The following LRPAP1 variants were observed in gnomAD, a reference collection of about 807,000 sequenced individuals.
LRPAP1 encodes the protein LDL receptor related protein associated protein 1, also known as alpha-2-macroglobulin receptor-associated protein.
Under a neutral mutation model 39.9 loss-of-function variants are expected in LRPAP1, and 41 were observed. That is an observed-to-expected ratio of 1.03 (90% CI 0.80 to 1.33). The LOEUF is 1.33. Among genes scored for constraint, LRPAP1 ranks in the 40% most tolerant of loss-of-function variants. The pLI, the probability that LRPAP1 is intolerant of heterozygous loss-of-function variation, is 0.00. For synonymous variants in LRPAP1, 263 were observed against 212.7 expected (o/e 1.24, Z -2.06); for missense variants, 565 against 482.3 (o/e 1.17, Z -1.61).
chr4:3,516,555 A>T (rs1171512073), intron 5 of LRPAP1, among the ~76,000 whole-genome samples: 1 of 152,240 alleles, frequency 6.6e-6, no homozygotes, highest in Non-Finnish European at 1.5e-5. Context: ...AGAGGCTGCC[A>T]GGACCTCGGG....
chr4:3,517,993 GC>G, intron 5 of LRPAP1, 40 bp downstream of exon 5: 3 of 1,555,746 alleles, frequency 1.9e-6, no homozygotes. Flanking sequence ...ACCAGAGACG[GC>G]CCCACCCTCG....
chr4:3,514,405 G>C (rs1729627270), intron 7 of LRPAP1, among the ~76,000 whole-genome samples: 1 of 149,718 alleles, frequency 6.7e-6, no homozygotes, highest in Non-Finnish European at 1.5e-5. Context: ...TGGGGAAGGA[G>C]GCTCGCCTGT....
At chr4:3,532,026 T>G in intron 1 of LRPAP1, 183 bp downstream of exon 1, 1 of 676,470 alleles carries the variant, frequency 1.5e-6, no homozygotes. Flanking sequence ...CCTTTCCTGC[T>G]GCAGAAGGGG....
At chr4:3,516,308 C>T (rs906977375) in intron 5 of LRPAP1, 110 bp from the exon 6 acceptor site, 116 of 776,052 alleles carry the variant, frequency 1.5e-4, no homozygotes, top group Non-Finnish European at 2.3e-4. Flanking sequence ...TTTGCAGGCG[C>T]GACCTGCATG....
At chr4:3,516,320 G>C in intron 5 of LRPAP1, 122 bp from the exon 6 acceptor site, 1 of 728,188 alleles carries the variant, frequency 1.4e-6, no homozygotes, top group Non-Finnish European at 2.4e-6. Context: ...ACCTGCATGT[G>C]TGTGAAACAC....
intron 1 of LRPAP1, among the ~76,000 whole-genome samples, chr4:3,527,459 T>C (rs1577212030): frequency 1.0e-5 from 1 of 99,594 alleles, no homozygotes; most frequent in Middle Eastern, 4.8e-3. Context: ...GCCTATCTTG[T>C]TTGTGACCCA....
At chr4:3,516,404 T>C (rs1263715707) in intron 5 of LRPAP1, among the ~76,000 whole-genome samples, 1 of 94,414 alleles carries the variant, frequency 1.1e-5, no homozygotes, top group Non-Finnish European at 2.4e-5. Context: ...CGCTGAAATG[T>C]GGCTTCTCTG....
At chr4:3,513,363 A>T (rs1221845818) in intron 7 of LRPAP1, among the ~76,000 whole-genome samples, 2 of 152,218 alleles carry the variant, frequency 1.3e-5, no homozygotes, top group Non-Finnish European at 2.9e-5. Context: ...GCTGGAGTGC[A>T]GTGGCATGAT....
chr4:3,514,775 G>T lies in LRPAP1; in HGVS notation c.988C>A (p.Arg330=), dbSNP rs780156971. 6 of 1,610,794 alleles carry T rather than the reference G, an allele frequency of 3.7e-6. No homozygotes were observed. The highest frequency in any genetic ancestry group is 1.7e-5 in the Admixed American group (1 of 59,962). ...SREKHALLEG[R]TKELGYTVKK... Reference sequence around the variant, plus strand: ...ACCGTGTAGCCCAGCTCCTTGGTCCGCCCCTCCAGCAGGGCGTGCTTCTCG... The same window carrying T: ...ACCGTGTAGCCCAGCTCCTTGGTCCTCCCCTCCAGCAGGGCGTGCTTCTCG... Residue 330 remains arginine, a synonymous_variant, in exon 7 of 8, where the codon CGG becomes AGG. Transcript: ENST00000650182.
At chr4:3,521,405 C>T (rs770800732) in intron 2 of LRPAP1, among the ~76,000 whole-genome samples, 6 of 152,198 alleles carry the variant, frequency 3.9e-5, no homozygotes, top group Non-Finnish European at 7.4e-5. Flanking sequence ...CCCTACTGGA[C>T]AGAACTACTC....
intron 5 of LRPAP1, 79 bp downstream of exon 5, chr4:3,517,955 G>A: frequency 1.3e-6 from 2 of 1,508,012 alleles, no homozygotes; most frequent in South Asian, 2.6e-5. Context: ...GTCGCTACAA[G>A]CACCTGCCTG....
At chr4:3,523,512 G>C (rs2237009) in intron 2 of LRPAP1, among the ~76,000 whole-genome samples, 28,721 of 152,102 alleles carry the variant, frequency 0.19, 3,595 homozygotes, top group East Asian at 0.51. Context: ...CTGCCAATGG[G>C]AGAAGAGGGG....
rs1280459409 is a variant in LRPAP1 at position 3,506,755 on chromosome 4, A to T, written c.*6219T>A. 6.6e-6 allele frequency: 1 copy of T among 152,232 alleles called. No homozygotes were observed. Among genetic ancestry groups the T allele is most frequent in the Non-Finnish European group, 1.5e-5 (1 of 68,034 alleles). 9.4% of individuals were successfully genotyped at this position (152,232 alleles called of 1,614,324 possible). ...GTCTCAATTTGATGAGAAAATAGAA[A>T]GACCACTAGAACGGAAAAATAAAAA... On this transcript the variant is annotated 3_prime_UTR_variant, in exon 8 of 8. Coordinates refer to ENST00000650182, the MANE Select transcript of LRPAP1 (RefSeq NM_002337.4).
Position 3,518,981 on chromosome 4 carries a change from G to A in LRPAP1, c.482C>T (p.Ser161Phe), listed in dbSNP as rs1479744188. 6.2e-7 allele frequency: 1 copy of A among 1,613,918 alleles called. No individual in the cohort carries two copies. Among genetic ancestry groups the A allele is most frequent in the Non-Finnish European group, 8.5e-7 (1 of 1,179,894 alleles). The stretch of plus-strand genomic sequence containing the variant: ...CAGTTCTTCGCCGGAGAATTTCCCA[G>A]AGGTCTTCGCCTAAGAGGGAAACAA... ...LEKLWHKAKT[S>F]GKFSGEELDK... Residue 161 changes from serine (S) to phenylalanine (F), a missense_variant, in exon 4 of 8, where the codon TCT (serine) becomes TTT (phenylalanine). Transcript: ENST00000650182.
chr4:3,525,818 C>T (rs1348743018), intron 1 of LRPAP1, among the ~76,000 whole-genome samples: 1 of 152,216 alleles, frequency 6.6e-6, no homozygotes, highest in African/African-American at 2.4e-5. Flanking sequence ...TTTTTGGTTG[C>T]AAAGACAGGA....
intron 3 of LRPAP1, 28 bp downstream of exon 3, chr4:3,520,044 G>A (rs1308791686): frequency 6.2e-7 from 1 of 1,610,824 alleles, no homozygotes; most frequent in Non-Finnish European, 8.5e-7. Context: ...CACCAATTCT[G>A]CAAGGTATGC....
chr4:3,520,298 T>C (rs1729872461), intron 2 of LRPAP1, 105 bp from the exon 3 acceptor site: 2 of 1,164,158 alleles, frequency 1.7e-6, no homozygotes, highest in Non-Finnish European at 2.5e-6. Flanking sequence ...TGCCTCTCAT[T>C]TTCCAGTAGT....
At chr4:3,527,993 A>G (rs1730129975) in intron 1 of LRPAP1, among the ~76,000 whole-genome samples, 1 of 152,178 alleles carries the variant, frequency 6.6e-6, no homozygotes, top group Non-Finnish European at 1.5e-5. Context: ...TGTCTCACAA[A>G]AGCCAGCTCC....
intron 1 of LRPAP1, among the ~76,000 whole-genome samples, chr4:3,528,900 G>A (rs1056947319): frequency 6.6e-6 from 1 of 152,194 alleles, no homozygotes; most frequent in Non-Finnish European, 1.5e-5. Flanking sequence ...AAGCCAGGGG[G>A]GACGCTTGAG....
Sources: allele counts gnomAD v4.1 joint callset (sites outside exome capture counted in the v4.1 genomes callset), GRCh38; gene constraint gnomAD v4.1.1; transcripts MANE v1.5; gene names NCBI Gene and HGNC (gene_info 2026-07-23, HGNC 2026-07-21).